TNRC6B: variants seen among roughly 807,000 people sequenced by gnomAD.
The protein encoded by TNRC6B is trinucleotide repeat containing adaptor 6B, also known as trinucleotide repeat-containing gene 6B protein.
In TNRC6B, 52 loss-of-function variants were observed where a neutral mutation model predicts 203.6. The observed-to-expected ratio is 0.26, with a 90% CI of 0.20 to 0.32. The LOEUF is 0.32. Ranked by LOEUF, TNRC6B falls within the 10% of genes least tolerant of loss-of-function variation. The pLI, the probability that TNRC6B is intolerant of heterozygous loss-of-function variation, is 1.00. For synonymous variants in TNRC6B, 838 were observed against 845.7 expected (o/e 0.99, Z 0.16); for missense variants, 1,923 against 2,286.2 (o/e 0.84, Z 3.24).
At chr22:40,293,645 G>A (rs1432522464) in intron 12 of TNRC6B, among the ~76,000 whole-genome samples, 1 of 151,606 alleles carries the variant, frequency 6.6e-6, no homozygotes, top group Non-Finnish European at 1.5e-5. Context: ...GAATGGTGGG[G>A]AATAATGGGT....
chr22:40,247,514 G>A (rs1358436285), intron 2 of TNRC6B, among the ~76,000 whole-genome samples: 1 of 152,194 alleles, frequency 6.6e-6, no homozygotes, highest in African/African-American at 2.4e-5. Flanking sequence ...GATTGCATAT[G>A]TCCCTGCTAT....
chr22:40,323,555 A>T lies in TNRC6B; in HGVS notation c.*314A>T, dbSNP rs1020552579. 1 of 196,000 alleles carries T rather than the reference A, an allele frequency of 5.1e-6. No homozygotes were observed. Among genetic ancestry groups the T allele is most frequent in the African/African-American group, 2.3e-5 (1 of 42,704 alleles). The allele number at this position is 196,000 out of a possible 1,614,324, so 12.1% of individuals were successfully genotyped here. A position where few individuals can be genotyped will look rare whatever the true frequency, so the allele number is the denominator to read the frequency against. Reference sequence around the variant, plus strand: ...TACCATTTAAATTTAAACACAAAAAAATTAAAAAAATTAGTTTCTAGTTTT... The same window carrying T: ...TACCATTTAAATTTAAACACAAAAATATTAAAAAAATTAGTTTCTAGTTTT... On this transcript the variant is annotated 3_prime_UTR_variant, in exon 23 of 23. Transcript: ENST00000454349.
At chr22:40,113,054 C>T (rs200382589) in intron 1 of TNRC6B, among the ~76,000 whole-genome samples, 2 of 152,156 alleles carry the variant, frequency 1.3e-5, no homozygotes, top group South Asian at 2.1e-4. Flanking sequence ...TTGCAGTGAG[C>T]TGAGATTGCG....
At position 40,136,889 on chromosome 22, in the gene TNRC6B, C is replaced by T. The variant is rs548441106; in HGVS notation, c.45+11027C>T. Among the ~76,000 whole-genome samples the T allele has an allele frequency of 2.6e-3, 402 of 152,192 alleles. 1 individual carries two copies. Among genetic ancestry groups the T allele is most frequent in the African/African-American group, 8.0e-3 (333 of 41,536 alleles). On this transcript the variant is annotated intron_variant, in intron 3 of 23. Transcript: ENST00000301923. ...ATCATTATCAAAGGCAGCAAGTAAA[C>T]GTAGTCTTTGTCTACAGAGAATAAA...
At chr22:40,175,668 A>G (rs1364654203), upstream of TNRC6B, among the ~76,000 whole-genome samples, 1 of 152,258 alleles carries the variant, frequency 6.6e-6, no homozygotes, top group African/African-American at 2.4e-5. Flanking sequence ...AGGTATTGGA[A>G]GGATAAAAAT....
chr22:40,132,854 G>A (rs2068559929), intron 3 of TNRC6B, among the ~76,000 whole-genome samples: 1 of 143,756 alleles, frequency 7.0e-6, no homozygotes, highest in African/African-American at 2.5e-5. Flanking sequence ...TGAGGCAGGA[G>A]AATGGCGTGA....
intron 2 of TNRC6B, among the ~76,000 whole-genome samples, chr22:40,247,170 C>G (rs1356443621): frequency 1.3e-5 from 2 of 152,054 alleles, no homozygotes; most frequent in African/African-American, 4.8e-5. Context: ...GCTTTGGTAC[C>G]TTTTTTGGAG....
intron 1 of TNRC6B, among the ~76,000 whole-genome samples, chr22:40,062,900 A>G (rs1329717745): frequency 6.6e-6 from 1 of 151,790 alleles, no homozygotes. Context: ...CCTAATCTGC[A>G]GGTTGATGCA....
intron 1 of TNRC6B, among the ~76,000 whole-genome samples, chr22:40,112,302 C>G (rs1450309508): frequency 1.3e-5 from 2 of 152,204 alleles, no homozygotes; most frequent in Non-Finnish European, 2.9e-5. Flanking sequence ...TAAACCTGCT[C>G]CATGTCAGAT....
chr22:40,248,142 C>T lies in TNRC6B; in HGVS notation c.93+2040C>T, dbSNP rs143450200. Among the ~76,000 whole-genome samples the T allele has an allele frequency of 2.2e-4, 33 of 152,106 alleles. No individual in the cohort carries two copies. The East Asian group carries it at 5.0e-3, about 23-fold the overall frequency. On this transcript the variant is annotated intron_variant, in intron 2 of 22. Transcript: ENST00000454349. ...ATGTTTTTGTACTTTCCTTTGCGTC[C>T]GTGGCCACATGCCCTGTCACTGAGG... is the stretch of plus-strand genomic sequence containing the variant.
chr22:40,051,552 C>A (rs1237232592), intron 1 of TNRC6B, among the ~76,000 whole-genome samples: 1 of 152,228 alleles, frequency 6.6e-6, no homozygotes, highest in Non-Finnish European at 1.5e-5. Flanking sequence ...ATTGCCCCCA[C>A]ACTGATCTTC....
chr22:40,169,844 G>C (rs146753545), intron 4 of TNRC6B, among the ~76,000 whole-genome samples: 1 of 152,072 alleles, frequency 6.6e-6, no homozygotes, highest in African/African-American at 2.4e-5. Flanking sequence ...TATTAAATAC[G>C]TAGACATATC....
chr22:40,234,801 G>A (rs1195610325), intron 1 of TNRC6B, among the ~76,000 whole-genome samples: 1 of 151,890 alleles, frequency 6.6e-6, no homozygotes, highest in Non-Finnish European at 1.5e-5. Flanking sequence ...GTGCTATTTG[G>A]CCTTGTCTGC....
chr22:40,091,424 A>G (rs2068149991), intron 1 of TNRC6B, among the ~76,000 whole-genome samples: 1 of 152,082 alleles, frequency 6.6e-6, no homozygotes, highest in Non-Finnish European at 1.5e-5. Context: ...GGAAAAATCC[A>G]GATTATGTGA....
At chr22:40,054,909 C>T (rs976656322) in intron 1 of TNRC6B, among the ~76,000 whole-genome samples, 2 of 151,152 alleles carry the variant, frequency 1.3e-5, no homozygotes, top group African/African-American at 2.4e-5. Flanking sequence ...TAGTAGTGCG[C>T]GCCAGTAGTC....
At chr22:40,246,389 C>T (rs951258290) in intron 2 of TNRC6B, 3 of 206,304 alleles carry the variant, frequency 1.5e-5, no homozygotes, top group African/African-American at 7.0e-5. Flanking sequence ...GGGGTTTCTC[C>T]ATGTTGGTCA....
At chr22:40,143,462 C>T (rs1161577485) in intron 3 of TNRC6B, among the ~76,000 whole-genome samples, 2 of 151,938 alleles carry the variant, frequency 1.3e-5, no homozygotes, top group Admixed American at 1.3e-4. Context: ...ATATGGAAAA[C>T]TATAGATTGG....
chr22:40,281,328 G>A, intron 11 of TNRC6B, 39 bp downstream of exon 11: 1 of 1,492,182 alleles, frequency 6.7e-7, no homozygotes, highest in Non-Finnish European at 9.0e-7. Context: ...CTTGGCTATG[G>A]CCTCGCCTTG....
intron 2 of TNRC6B, among the ~76,000 whole-genome samples, chr22:40,249,948 A>G (rs988085116): frequency 2.0e-5 from 3 of 152,188 alleles, no homozygotes; most frequent in African/African-American, 7.2e-5. Context: ...CGGATCCTTT[A>G]ACTCTTATTT....
Sources: allele counts gnomAD v4.1 joint callset (sites outside exome capture counted in the v4.1 genomes callset), GRCh38; gene constraint gnomAD v4.1.1; transcripts MANE v1.5; gene names NCBI Gene and HGNC (gene_info 2026-07-23, HGNC 2026-07-21).